The following TBC1D5 variants were observed in gnomAD, a reference collection of about 807,000 sequenced individuals.
TBC1D5 encodes the protein TBC1 domain family, member 5.
TBC1D5 carries 75 observed loss-of-function variants against 100.3 expected under a neutral mutation model. The ratio of observed to expected loss-of-function variants is 0.75; its 90% CI spans 0.62 to 0.91. The LOEUF is 0.91. TBC1D5 is among the 40% of genes least tolerant of loss of function. The probability of loss-of-function intolerance (pLI) is 0.00; values close to 1 mark genes in which losing one functional copy is unlikely to be tolerated. For missense variants in TBC1D5, 910 were observed against 942.4 expected, an observed-to-expected ratio of 0.97 and a Z score of 0.45; for synonymous variants, 323 against 325.6, an observed-to-expected ratio of 0.99 and a Z score of 0.09.
intron 19 of TBC1D5, chr3:17,184,705 A>T (rs540158911): frequency 1.3e-5 from 2 of 152,440 alleles, no homozygotes; most frequent in South Asian, 4.2e-4. Flanking sequence ...TTAAAAAAAA[A>T]AAAATTTGTT....
intron 8 of TBC1D5, among the ~76,000 whole-genome samples, chr3:17,399,246 ATTATAAATCT>A (rs1213458397): frequency 1.3e-5 from 2 of 152,104 alleles, no homozygotes; most frequent in Non-Finnish European, 2.9e-5. Flanking sequence ...AAATAGAGTG[ATTATAAATCT>A]GCTTTGAGTA....
At chr3:17,350,154 T>G (rs2090386604) in intron 13 of TBC1D5, among the ~76,000 whole-genome samples, 1 of 152,176 alleles carries the variant, frequency 6.6e-6, no homozygotes, top group South Asian at 2.1e-4. Context: ...TAATTGTCAT[T>G]GCTTGCTTAG....
At chr3:17,365,761 C>T (rs1231837107) in intron 13 of TBC1D5, among the ~76,000 whole-genome samples, 4 of 152,154 alleles carry the variant, frequency 2.6e-5, no homozygotes, top group African/African-American at 9.7e-5. Context: ...TCTGGTGAAA[C>T]TGAATTTGGC....
chr3:17,623,178 A>G (rs1286094931), intron 2 of TBC1D5, among the ~76,000 whole-genome samples: 3 of 152,210 alleles, frequency 2.0e-5, no homozygotes, highest in Admixed American at 6.5e-5. Flanking sequence ...CATATGAATG[A>G]CCTAGAAATT....
At chr3:17,280,361 G>T (rs1296902997) in intron 15 of TBC1D5, among the ~76,000 whole-genome samples, 1 of 152,144 alleles carries the variant, frequency 6.6e-6, no homozygotes, top group Non-Finnish European at 1.5e-5. Flanking sequence ...CCACCCTTGA[G>T]CCTGGAGCTG....
At chr3:17,354,607 T>C (rs927057102) in intron 13 of TBC1D5, among the ~76,000 whole-genome samples, 1 of 152,008 alleles carries the variant, frequency 6.6e-6, no homozygotes, top group South Asian at 2.1e-4. Context: ...TAATGGATTA[T>C]TGAGTGAGCG....
chr3:17,340,951 G>A (rs1303111173), intron 13 of TBC1D5, among the ~76,000 whole-genome samples: 4 of 152,086 alleles, frequency 2.6e-5, no homozygotes, highest in Non-Finnish European at 5.9e-5. Context: ...AACAGGCACT[G>A]GCTTCTGCAA....
At chr3:17,239,532 C>T (rs1345417132) in intron 16 of TBC1D5, among the ~76,000 whole-genome samples, 1 of 152,166 alleles carries the variant, frequency 6.6e-6, no homozygotes, top group Non-Finnish European at 1.5e-5. Flanking sequence ...CTTCCTCAGT[C>T]TTTGGTCCAC....
intron 3 of TBC1D5, among the ~76,000 whole-genome samples, chr3:17,498,973 C>A (rs1299606429): frequency 6.6e-6 from 1 of 151,926 alleles, no homozygotes; most frequent in Non-Finnish European, 1.5e-5. Context: ...ATAAATAGGT[C>A]TTTGGGGACC....
At chr3:17,697,223 G>A (rs1055294566) in intron 1 of TBC1D5, among the ~76,000 whole-genome samples, 7 of 152,084 alleles carry the variant, frequency 4.6e-5, no homozygotes, top group Non-Finnish European at 7.4e-5. Flanking sequence ...CTCACCACTC[G>A]TATTCAACAT....
intron 16 of TBC1D5, among the ~76,000 whole-genome samples, chr3:17,255,496 G>C (rs140332564): frequency 6.6e-6 from 1 of 151,928 alleles, no homozygotes. Context: ...CACCGCACCC[G>C]GCCAGATCCT....
At chr3:17,210,487 C>G (rs2072843639) in intron 18 of TBC1D5, among the ~76,000 whole-genome samples, 1 of 152,140 alleles carries the variant, frequency 6.6e-6, no homozygotes, top group Non-Finnish European at 1.5e-5. Flanking sequence ...CACGCCCAGC[C>G]ATTTCTCAGA....
rs538318278 is a variant in TBC1D5, at chr3:17,174,064, C to T, written c.1853-6236G>A. On this transcript the variant is annotated intron_variant, in intron 19 of 21. Transcript: ENST00000253692. ...AATCCATTCCCCCTTCTAGAAGTCCCTCCCATCTTCCCTATAATGACATGT... is the reference window on the plus strand; with the variant it reads ...AATCCATTCCCCCTTCTAGAAGTCCTTCCCATCTTCCCTATAATGACATGT... Among the ~76,000 whole-genome samples, 5 of 152,268 alleles carry T rather than the reference C, an allele frequency of 3.3e-5. No homozygotes were observed. The South Asian group carries it at 1.0e-3, about 32-fold the overall frequency.
At chr3:17,262,428 C>A (rs1439015548) in intron 15 of TBC1D5, among the ~76,000 whole-genome samples, 2 of 151,246 alleles carry the variant, frequency 1.3e-5, no homozygotes, top group Non-Finnish European at 2.9e-5. Context: ...ATTTTAAACT[C>A]ATTTTGACAC....
At chr3:17,600,189 G>GA (rs2060837680) in intron 2 of TBC1D5, among the ~76,000 whole-genome samples, 1 of 150,600 alleles carries the variant, frequency 6.6e-6, no homozygotes, top group African/African-American at 2.5e-5. Context: ...AAGTTGTCAA[G>GA]TTGTGATCTC....
At chr3:17,490,694 C>T (rs983619453) in intron 3 of TBC1D5, among the ~76,000 whole-genome samples, 1 of 152,082 alleles carries the variant, frequency 6.6e-6, no homozygotes, top group Non-Finnish European at 1.5e-5. Context: ...TGTACCAGTA[C>T]CATGCTGTGT....
At chr3:17,558,173 T>G (rs1192352323) in intron 2 of TBC1D5, among the ~76,000 whole-genome samples, 1 of 152,186 alleles carries the variant, frequency 6.6e-6, no homozygotes, top group Non-Finnish European at 1.5e-5. Context: ...AATTTAATCC[T>G]TAATAAAATC....
intron 1 of TBC1D5, among the ~76,000 whole-genome samples, chr3:17,652,126 A>C (rs1345710109): frequency 6.6e-6 from 1 of 152,178 alleles, no homozygotes; most frequent in Non-Finnish European, 1.5e-5. Context: ...GTTACAGACA[A>C]ATTTGTAAGT....
At chr3:17,218,809 GTTC>G (rs2073944265) in intron 17 of TBC1D5, among the ~76,000 whole-genome samples, 1 of 151,946 alleles carries the variant, frequency 6.6e-6, no homozygotes, top group African/African-American at 2.4e-5. Context: ...ATCATGAGCT[GTTC>G]TTCTATTGCT....
Sources: allele counts gnomAD v4.1 joint callset (sites outside exome capture counted in the v4.1 genomes callset), GRCh38; gene constraint gnomAD v4.1.1; transcripts MANE v1.5; gene names NCBI Gene and HGNC (gene_info 2026-07-23, HGNC 2026-07-21).